Variants in SMC4 observed in about 807,000 individuals in gnomAD.
SMC4 encodes structural maintenance of chromosomes 4, also known as structural maintenance of chromosomes protein 4.
Under a neutral mutation model 145.6 loss-of-function variants are expected in SMC4, and 87 were observed. The ratio of observed to expected loss-of-function variants is 0.60; its 90% CI spans 0.50 to 0.71. SMC4 has a LOEUF of 0.71. Ranked by LOEUF, SMC4 falls within the 30% of genes least tolerant of loss-of-function variation. SMC4 has a pLI of 0.00. For synonymous variants in SMC4, 558 were observed against 500.7 expected (o/e 1.11, Z -1.53); for missense variants, 1,447 against 1,537.1 (o/e 0.94, Z 0.98).
intron 13 of SMC4, among the ~76,000 whole-genome samples, chr3:160,422,377 G>T (rs1271370006): frequency 1.3e-5 from 2 of 152,128 alleles, no homozygotes; most frequent in African/African-American, 2.4e-5. Context: ...ACATCTTTTT[G>T]ATTATAGTCA....
chr3:160,400,936 G>C lies in SMC4; in HGVS notation c.110G>C (p.Gly37Ala). The change falls in exon 2 of 24, where the codon GGC becomes GCC. Residue 37 changes from glycine to alanine, a missense_variant. By Grantham distance (60) the Gly-to-Ala change is moderately conservative (BLOSUM62 0). Transcript: ENST00000357388. ...GACGCGGAGCCTGAGCCGCCGTCCGGCCGCACGGAGAGCCCAGCCACCGCC... is the reference window on the plus strand; with the variant it reads ...GACGCGGAGCCTGAGCCGCCGTCCGCCCGCACGGAGAGCCCAGCCACCGCC... The part of the protein sequence containing the change: ...SSDAEPEPPS[G>A]RTESPATAAE... The C allele has an allele frequency of 2.7e-6, 4 of 1,463,300 alleles. No individual in the cohort carries two copies. The highest frequency in any genetic ancestry group is 3.6e-6 in the Non-Finnish European group (4 of 1,117,864). The allele number at this position is 1,463,300 out of a possible 1,614,324, so 90.6% of individuals were successfully genotyped here. A position where few individuals can be genotyped will look rare whatever the true frequency, so the allele number is the denominator to read the frequency against.
chr3:160,416,255 A>C lies in SMC4; in HGVS notation c.1277A>C (p.Glu426Ala). The C allele has an allele frequency of 6.3e-7, 1 of 1,583,072 alleles. No homozygotes were observed. The highest frequency in any genetic ancestry group is 1.2e-5 in the South Asian group (1 of 85,722). ...KQLQKDKEKV[E>A]EFKSIPAKSN... ...TAACTTGTTTTATAATCTCAGGTTG[A>C]AGAATTTAAAAGTATACCTGCCAAG... Residue 426 changes from glutamate (E) to alanine (A), a missense_variant, in exon 10 of 24, where the codon GAA (glutamate) becomes GCA (alanine). Transcript: ENST00000357388.
rs778177088 is a variant in SMC4, at chr3:160,419,428, A to C, written c.1742A>C (p.Gln581Pro). Residue 581 changes from glutamine (Q) to proline (P), a missense_variant, in exon 12 of 24, where the codon CAA (glutamine) becomes CCA (proline). Transcript: ENST00000357388. Reference protein sequence around the residue: ...NFKSLVHDLFQKVEEAKSSLA... With the variant: ...NFKSLVHDLFPKVEEAKSSLA... ...AAAAGTTTGGTTCATGATCTCTTTC[A>C]AAAAGTTGAAGAAGCAAAGAGCTCA... 6.2e-7 allele frequency: 1 copy of C among 1,612,598 alleles called. No homozygotes were observed. The highest frequency in any genetic ancestry group is 1.7e-5 in the Admixed American group (1 of 59,714).
intron 3 of SMC4, 44 bp from the exon 4 acceptor site, chr3:160,402,632 C>A: frequency 6.4e-7 from 1 of 1,570,872 alleles, no homozygotes; most frequent in Non-Finnish European, 8.6e-7. Context: ...ATTAGCATGA[C>A]CTTATGAACT....
At position 160,434,069 on chromosome 3, in the gene SMC4, A is replaced by T. The variant is rs547034028; in HGVS notation, c.*260A>T. On this transcript the variant is annotated 3_prime_UTR_variant, in exon 24 of 24. Coordinates refer to ENST00000357388, the MANE Select transcript of SMC4 (RefSeq NM_001002800.3). ...GGAGGGTCAGGTAACTTGCCAAACT[A>T]AAAAGTATGTTAGTTGAGGCAAAGT... The T allele has an allele frequency of 3.9e-4, 113 of 292,486 alleles. 1 individual carries two copies. The highest frequency in any genetic ancestry group is 1.3e-4 in the Non-Finnish European group (20 of 158,726). 18.1% of individuals were successfully genotyped at this position (292,486 alleles called of 1,614,324 possible).
intron 1 of SMC4, chr3:160,400,528 G>T (rs1714449697): frequency 3.0e-6 from 1 of 337,860 alleles, no homozygotes; most frequent in African/African-American, 2.2e-5. Context: ...TATACTATGG[G>T]CGGACGGGTG....
Position 160,402,775 on chromosome 3 carries a change from A to G in SMC4, c.418A>G (p.Lys140Glu), listed in dbSNP as rs1264358823. The G allele has an allele frequency of 6.2e-7, 1 of 1,612,134 alleles. No homozygotes were observed. Among genetic ancestry groups the G allele is most frequent in the Non-Finnish European group, 8.5e-7 (1 of 1,179,614 alleles). ...FGYRAQKIRS[K>E]KLSVLIHNSD... The stretch of plus-strand genomic sequence containing the variant: ...CTATCGAGCACAAAAAATAAGATCT[A>G]AAAAACTCTCAGTATTAATACATAA... Residue 140 changes from lysine to glutamate, a missense_variant, in exon 4 of 24, where the codon AAA (lysine) becomes GAA (glutamate). Coordinates refer to ENST00000357388, the MANE Select transcript of SMC4 (RefSeq NM_001002800.3).
At chr3:160,429,462 A>G (rs961248746) in intron 18 of SMC4, among the ~76,000 whole-genome samples, 14 of 151,492 alleles carry the variant, frequency 9.2e-5, no homozygotes, top group Non-Finnish European at 1.9e-4. Flanking sequence ...TCCCACCTCA[A>G]CCTCCCAAGT....
rs1052414859 is a variant in SMC4 at position 160,423,655 on chromosome 3, T to C, written c.2245+5T>C. On this transcript the variant is annotated splice_donor_5th_base_variant and intron_variant, in intron 14 of 23. Coordinates refer to ENST00000357388, the MANE Select transcript of SMC4 (RefSeq NM_001002800.3). ...GACAAATCATAGAACAGTCAGGTAA[T>C]AGTGTTTTTGTTTCTTGGTTTGTTT... is the stretch of plus-strand genomic sequence containing the variant. The C allele has an allele frequency of 1.9e-6, 3 of 1,605,336 alleles. No individual in the cohort carries two copies. Among genetic ancestry groups the C allele is most frequent in the East Asian group, 4.5e-5 (2 of 44,764 alleles).
chr3:160,425,038 G>T lies in SMC4; in HGVS notation c.2478+19G>T. ...CATCCAGGTATGTGTGTGTGTGTGT[G>T]TGTGTGTGTGTGTGTACTGAAACTA... On this transcript the variant is annotated intron_variant, in intron 16 of 23. Transcript: ENST00000357388. 1 of 1,568,666 alleles carries T rather than the reference G, an allele frequency of 6.4e-7. No individual in the cohort carries two copies. Among genetic ancestry groups the T allele is most frequent in the Non-Finnish European group, 8.6e-7 (1 of 1,156,332 alleles).
At chr3:160,419,323 A>T in intron 11 of SMC4, 35 bp from the exon 12 acceptor site, 1 of 1,425,900 alleles carries the variant, frequency 7.0e-7, no homozygotes, top group Non-Finnish European at 9.6e-7. Context: ...TTTAGAAGTT[A>T]ATGCTTCTGG....
chr3:160,428,646 G>T, intron 17 of SMC4, 107 bp from the exon 18 acceptor site: 36 of 902,876 alleles, frequency 4.0e-5, no homozygotes, highest in South Asian at 5.4e-5. Flanking sequence ...CCTAAAATTT[G>T]TTTTAATGCA....
chr3:160,420,935 A>T (rs562662182), intron 13 of SMC4, 34 bp downstream of exon 13: 51 of 1,254,224 alleles, frequency 4.1e-5, no homozygotes, highest in East Asian at 5.8e-5. Context: ...TATAATTGGA[A>T]TTTTTTTTTT....
At position 160,419,378 on chromosome 3, in the gene SMC4, A is replaced by C; in HGVS notation, c.1692A>C (p.Lys564Asn). The stretch of plus-strand genomic sequence containing the variant: ...TTTAGAAAGAAAAAGAACTTCAAAA[A>C]CTTACACAAGAAGAAACAAACTTTA... ...ELKEKEKELQ[K>N]LTQEETNFKS... Residue 564 changes from lysine to asparagine, a missense_variant, in exon 12 of 24, where the codon AAA becomes AAC. Physicochemically the swap from Lys to Asn is moderately conservative, Grantham distance 94. Coordinates refer to ENST00000357388, the MANE Select transcript of SMC4 (RefSeq NM_001002800.3). 1 of 1,590,218 alleles carries C rather than the reference A, an allele frequency of 6.3e-7. No homozygotes were observed. The highest frequency in any genetic ancestry group is 1.2e-5 in the South Asian group (1 of 85,682).
At position 160,432,307 on chromosome 3, in the gene SMC4, G is replaced by T; in HGVS notation, c.3322G>T (p.Ala1108Ser). ...KKEELYLQRVAELDKITYERD... is the reference protein window; with the variant it reads ...KKEELYLQRVSELDKITYERD... ...GGAAGAATTGTATTTGCAACGGGTA[G>T]CAGAATTGGACAAAATTACTTATGA... The change falls in exon 22 of 24, where the codon GCA becomes TCA. Residue 1108 changes from alanine to serine, a missense_variant. Physicochemically the swap from Ala to Ser is moderately conservative, Grantham distance 99 (BLOSUM62 1). Transcript: ENST00000357388. 6.2e-7 allele frequency: 1 copy of T among 1,609,150 alleles called. No individual in the cohort carries two copies. The highest frequency in any genetic ancestry group is 8.5e-7 in the Non-Finnish European group (1 of 1,178,484).
At chr3:160,406,538 T>C (rs141750181) in intron 5 of SMC4, among the ~76,000 whole-genome samples, 82 of 152,300 alleles carry the variant, frequency 5.4e-4, no homozygotes, top group African/African-American at 1.9e-3. Context: ...TTTGGGAGGC[T>C]GAGAAATTGG....
chr3:160,413,861 A>C, intron 8 of SMC4: 1 of 323,798 alleles, frequency 3.1e-6, no homozygotes, highest in Non-Finnish European at 5.7e-6. Flanking sequence ...AACAAACAAT[A>C]AGCATTTGGC....
Position 160,404,377 on chromosome 3 carries a change from G to T in SMC4, c.560G>T (p.Arg187Ile). 1.2e-6 allele frequency: 2 copies of T among 1,609,598 alleles called. No individual in the cohort carries two copies. Among genetic ancestry groups the T allele is most frequent in the Non-Finnish European group, 1.7e-6 (2 of 1,178,716 alleles). ...CCTAACAGTAATTTCTATGTATCCAGAACGGCCTGCAGAGATAATACTTCT... is the reference window on the plus strand; with the variant it reads ...CCTAACAGTAATTTCTATGTATCCATAACGGCCTGCAGAGATAATACTTCT... ...VIPNSNFYVS[R>I]TACRDNTSVY... is the part of the protein sequence containing the mutation. The change falls in exon 5 of 24, where the codon AGA (arginine) becomes ATA (isoleucine). Residue 187 changes from arginine (R) to isoleucine (I), a missense_variant. Arg to Ile is a moderately conservative substitution (Grantham distance 97). Transcript: ENST00000357388.
chr3:160,434,080 T>A lies in SMC4; in HGVS notation c.*271T>A, dbSNP rs1326617965. 3.7e-6 allele frequency: 1 copy of A among 271,474 alleles called. No homozygotes were observed. Among genetic ancestry groups the A allele is most frequent in the African/African-American group, 2.3e-5 (1 of 43,884 alleles). 16.8% of individuals were successfully genotyped at this position (271,474 alleles called of 1,614,324 possible). ...TAACTTGCCAAACTAAAAAGTATGT[T>A]AGTTGAGGCAAAGTCCTAAGCAAGG... On this transcript the variant is annotated 3_prime_UTR_variant, in exon 24 of 24. Transcript: ENST00000357388.
Sources: allele counts gnomAD v4.1 joint callset (sites outside exome capture counted in the v4.1 genomes callset), GRCh38; gene constraint gnomAD v4.1.1; transcripts MANE v1.5; gene names NCBI Gene and HGNC (gene_info 2026-07-23, HGNC 2026-07-21).